Variants in PRRC2B observed in about 807,000 individuals in gnomAD.
PRRC2B encodes the protein protein PRRC2B.
PRRC2B carries 68 observed loss-of-function variants against 242.3 expected under a neutral mutation model. The ratio of observed to expected loss-of-function variants is 0.28; its 90% confidence interval spans 0.23 to 0.34. The LOEUF (loss-of-function observed/expected upper bound fraction) is 0.34. Ranked by LOEUF, PRRC2B falls within the 10% of genes least tolerant of loss-of-function variation. PRRC2B has a pLI of 1.00. For missense variants in PRRC2B, 2,835 were observed against 2,954.8 expected (o/e 0.96, Z 0.94); for synonymous variants, 1,228 against 1,173.6 (o/e 1.05, Z -0.95).
intron 29 of PRRC2B, 25 bp from the exon 30 acceptor site, chr9:131,492,144 G>T (rs368095923): frequency 6.3e-7 from 1 of 1,591,256 alleles, no homozygotes. Flanking sequence ...TCAAATGACA[G>T]CTTGTTCCTG....
Position 131,495,770 on chromosome 9 carries a change from C to G in PRRC2B, c.6586C>G (p.Leu2196Val), listed in dbSNP as rs777199569. ...ACAACGAGTGGATGAGAAACCCAGC[C>G]TGGGAGCCGTGAAGCTGCAGGAGGC... ...AKQRVDEKPS[L>V]GAVKLQEAPS... Residue 2196 changes from leucine (L) to valine (V), a missense_variant, in exon 32 of 32, where the codon CTG becomes GTG. By Grantham distance (32) the Leu-to-Val change is conservative. Transcript: ENST00000683519. The G allele has an allele frequency of 4.3e-6, 7 of 1,612,538 alleles. No individual in the cohort carries two copies. The Admixed American group carries it at 1.0e-4, about 23-fold the overall frequency.
chr9:131,445,803 C>G (rs1838782221), intron 6 of PRRC2B, among the ~76,000 whole-genome samples: 1 of 152,162 alleles, frequency 6.6e-6, no homozygotes, highest in African/African-American at 2.4e-5. Context: ...TAATTTCCAC[C>G]CGATCTTACC....
chr9:131,421,704 C>T (rs955396819), intron 1 of PRRC2B, among the ~76,000 whole-genome samples: 1 of 152,326 alleles, frequency 6.6e-6, no homozygotes, highest in East Asian at 1.9e-4. Context: ...CATGAAATCT[C>T]TAGGTGCCCA....
chr9:131,447,789 G>T lies in PRRC2B; in HGVS notation c.1105G>T (p.Asp369Tyr). ...CCTTGACGATCTGGACGCCGATGCC[G>T]ATGATGGCTGGGCAGGTGGGCAGAG... ...KGLDDLDADA[D>Y]DGWAGLHEEV... The change falls in exon 9 of 32, where the codon GAT becomes TAT. Residue 369 changes from aspartate to tyrosine, a missense_variant. Asp to Tyr is a radical substitution (Grantham distance 160). Around this residue, in one of 7 missense-constraint regions of PRRC2B, gnomAD observed 626 missense variants for 685.5 expected, o/e 0.91. Transcript: ENST00000683519. 6.2e-7 allele frequency: 1 copy of T among 1,612,798 alleles called. No individual in the cohort carries two copies. The highest frequency in any genetic ancestry group is 8.5e-7 in the Non-Finnish European group (1 of 1,179,162).
At chr9:131,409,465 T>G (rs1222235767) in intron 1 of PRRC2B, among the ~76,000 whole-genome samples, 1 of 152,252 alleles carries the variant, frequency 6.6e-6, no homozygotes, top group Non-Finnish European at 1.5e-5. Context: ...ATTATAGGTG[T>G]GAGCCACTGC....
chr9:131,469,202 C>T (rs919698627), intron 13 of PRRC2B, among the ~76,000 whole-genome samples: 6 of 152,082 alleles, frequency 3.9e-5, no homozygotes, highest in African/African-American at 7.2e-5. Context: ...GGCGTGGTGC[C>T]GCACACCTGT....
chr9:131,470,821 G>A lies in PRRC2B; in HGVS notation c.1945G>A (p.Val649Met). Residue 649 changes from valine to methionine, a missense_variant, in exon 14 of 32, where the codon GTG (valine) becomes ATG (methionine). This residue lies in a region of PRRC2B where 1,536 missense variants were observed against 1,483.1 expected (regional missense o/e 1.04). Coordinates refer to ENST00000683519, the MANE Select transcript of PRRC2B (RefSeq NM_013318.4). The stretch of plus-strand genomic sequence containing the variant: ...GTACAAGATGCAGCACTGGCAGCCG[G>A]TGTACCCCCCGCCGTCCCACCCCCA... ...QLYKMQHWQPVYPPPSHPQRT... is the reference protein window; with the variant it reads ...QLYKMQHWQPMYPPPSHPQRT... 6.2e-7 allele frequency: 1 copy of A among 1,612,666 alleles called. No individual in the cohort carries two copies. The highest frequency in any genetic ancestry group is 8.5e-7 in the Non-Finnish European group (1 of 1,179,210).
In PRRC2B at chr9:131,487,403, T is replaced by TGG; in HGVS notation, c.5984+112_5984+113dup. 1.3e-5 allele frequency: 6 copies of TGG among 460,156 alleles called. No individual in the cohort carries two copies. The highest frequency in any genetic ancestry group is 5.7e-5 in the East Asian group (1 of 17,556). 28.5% of individuals were successfully genotyped at this position (460,156 alleles called of 1,614,324 possible). A position where few individuals can be genotyped will look rare whatever the true frequency, so the allele number is the denominator to read the frequency against. ...TGGTGCTTGTCTGCTTTGGGGCCAG[T>TGG]GGGGCGGGGAGGGGTGGGAGTTTGC... is the stretch of plus-strand genomic sequence containing the variant. On this transcript the variant is annotated intron_variant, in intron 27 of 31. Coordinates refer to ENST00000683519, the MANE Select transcript of PRRC2B (RefSeq NM_013318.4). This position sits in a 1 kb window ranked among gnomAD's most constrained non-coding sequence, Gnocchi z 5.3.
intron 1 of PRRC2B, among the ~76,000 whole-genome samples, chr9:131,382,278 A>G (rs532827611): frequency 6.6e-6 from 1 of 152,280 alleles, no homozygotes; most frequent in East Asian, 1.9e-4. Flanking sequence ...CGGCTTCTCA[A>G]AGTGCTAGGA....
chr9:131,399,891 C>T (rs772772686), intron 1 of PRRC2B, among the ~76,000 whole-genome samples: 2 of 152,158 alleles, frequency 1.3e-5, no homozygotes, highest in African/African-American at 2.4e-5. Flanking sequence ...GCCCTCTTTT[C>T]CCTCCTATAA....
rs765472566 is a variant in PRRC2B, at chr9:131,446,674, C to T, written c.855+32C>T. On this transcript the variant is annotated intron_variant, in intron 7 of 31. Transcript: ENST00000683519. This position sits in a 1 kb window ranked among gnomAD's most constrained non-coding sequence, Gnocchi z 4.1. Reference sequence around the variant, plus strand: ...CTTCAGAGTGTACTTTTTTTCCCCCCATGAAGTTGGATTGTGTCCAGCAGA... The same window carrying T: ...CTTCAGAGTGTACTTTTTTTCCCCCTATGAAGTTGGATTGTGTCCAGCAGA... The T allele has an allele frequency of 1.2e-5, 20 of 1,609,902 alleles. No individual in the cohort carries two copies. In the South Asian group the frequency reaches 2.0e-4, roughly 16 times the overall value.
At chr9:131,444,383 A>G (rs1838716534) in intron 6 of PRRC2B, 55 bp downstream of exon 6, 2 of 1,569,652 alleles carry the variant, frequency 1.3e-6, no homozygotes, top group African/African-American at 1.4e-5. Flanking sequence ...TCCTCCTCTC[A>G]TCTCTCTGCA....
intron 1 of PRRC2B, among the ~76,000 whole-genome samples, chr9:131,406,669 A>G (rs1837370015): frequency 6.6e-6 from 1 of 152,094 alleles, no homozygotes; most frequent in Non-Finnish European, 1.5e-5. Context: ...AGATTGGCGT[A>G]ATTTCTGGGA....
At chr9:131,387,299 C>A (rs1836838745) in intron 1 of PRRC2B, among the ~76,000 whole-genome samples, 1 of 150,068 alleles carries the variant, frequency 6.7e-6, no homozygotes, top group African/African-American at 2.4e-5. Context: ...CCGCGCCCGG[C>A]CACCTGTCTC....
chr9:131,414,830 A>G (rs539739548), intron 1 of PRRC2B, among the ~76,000 whole-genome samples: 34 of 152,004 alleles, frequency 2.2e-4, no homozygotes, highest in Middle Eastern at 3.4e-3. Flanking sequence ...TTGGCCTCCC[A>G]AAGTGCTGGG....
chr9:131,436,374 AG>A (rs1838372148), intron 3 of PRRC2B, among the ~76,000 whole-genome samples: 1 of 152,266 alleles, frequency 6.6e-6, no homozygotes. Flanking sequence ...CTCAAAAAAA[AG>A]AAAAAGAAAA....
At chr9:131,432,408 T>G (rs2131327720) in intron 2 of PRRC2B, among the ~76,000 whole-genome samples, 1 of 152,334 alleles carries the variant, frequency 6.6e-6, no homozygotes, top group South Asian at 2.1e-4. Flanking sequence ...AGCAGCTCCT[T>G]TGTCCCTGTA....
rs376790134 is a variant in PRRC2B at position 131,473,708 on chromosome 9, A to G, written c.2308A>G (p.Met770Val). ...PHPKSSDTLA[M>V]DMRVRNESSF... Reference sequence around the variant, plus strand: ...CCCGAAGTCGAGTGACACCTTGGCTATGGACATGCGTGTCAGGTGAGATGA... The same window carrying G: ...CCCGAAGTCGAGTGACACCTTGGCTGTGGACATGCGTGTCAGGTGAGATGA... Residue 770 changes from methionine (M) to valine (V), a missense_variant, in exon 15 of 32, where the codon ATG becomes GTG. Met to Val is a conservative substitution (Grantham distance 21, BLOSUM62 1). Coordinates refer to ENST00000683519, the MANE Select transcript of PRRC2B (RefSeq NM_013318.4). The G allele has an allele frequency of 9.9e-6, 16 of 1,613,116 alleles. No individual in the cohort carries two copies. The highest frequency in any genetic ancestry group is 4.5e-5 in the East Asian group (2 of 44,876).
At position 131,446,557 on chromosome 9, in the gene PRRC2B, C is replaced by T. The variant is rs369974538; in HGVS notation, c.770C>T (p.Pro257Leu). 385 of 1,613,894 alleles carry T rather than the reference C, an allele frequency of 2.4e-4. No homozygotes were observed. The highest frequency in any genetic ancestry group is 1.6e-3 in the South Asian group (146 of 91,062). The change falls in exon 7 of 32, where the codon CCG becomes CTG. Residue 257 changes from proline to leucine, a missense_variant. Physicochemically the swap from Pro to Leu is moderately conservative, Grantham distance 98. Coordinates refer to ENST00000683519, the MANE Select transcript of PRRC2B (RefSeq NM_013318.4). This position sits in a 1 kb window ranked among gnomAD's most constrained non-coding sequence, Gnocchi z 4.1. Reference protein sequence around the residue: ...TSDSKDPSLRPAQPVRKGASQ... With the variant: ...TSDSKDPSLRLAQPVRKGASQ... ...GATTCTAAGGACCCCTCTCTCCGCC[C>T]GGCTCAGCCTGTCCGAAAAGGGGCT... is the stretch of plus-strand genomic sequence containing the variant.
Sources: allele counts gnomAD v4.1 joint callset (sites outside exome capture counted in the v4.1 genomes callset), GRCh38; gene constraint gnomAD v4.1.1; regional missense constraint gnomAD v4.1.1; non-coding constraint Gnocchi (gnomAD v3.1); transcripts MANE v1.5; gene names NCBI Gene and HGNC (gene_info 2026-07-23, HGNC 2026-07-21).